The following TAS2R1 variants were observed in gnomAD, a reference collection of about 807,000 sequenced individuals.
TAS2R1 encodes the protein taste receptor type 2 member 1.
For synonymous variants in TAS2R1, 141 were observed against 134.2 expected, an observed-to-expected ratio of 1.05 and a Z score of -0.35; for missense variants, 370 against 353.4, an observed-to-expected ratio of 1.05 and a Z score of -0.38.
intron 1 of TAS2R1, among the ~76,000 whole-genome samples, chr5:9,681,790 T>C (rs747178140): frequency 5.9e-5 from 9 of 152,142 alleles, no homozygotes; most frequent in East Asian, 1.9e-4. Context: ...CCAACAGCAA[T>C]AGGCATTACC....
the TAS2R1 span, among the ~76,000 whole-genome samples, chr5:9,795,228 T>C: frequency 6.6e-6 from 1 of 152,230 alleles, no homozygotes; most frequent in Non-Finnish European, 1.5e-5. Flanking sequence ...TTTATGATTC[T>C]TTCTATCTAC....
chr5:9,656,565 A>G (rs189993777), intron 2 of TAS2R1, among the ~76,000 whole-genome samples: 2 of 152,274 alleles, frequency 1.3e-5, no homozygotes, highest in Non-Finnish European at 1.5e-5. Flanking sequence ...AGCCTTTGAT[A>G]CTATTAAGGG....
the TAS2R1 span, among the ~76,000 whole-genome samples, chr5:9,765,227 A>C: frequency 6.6e-6 from 1 of 152,148 alleles, no homozygotes; most frequent in African/African-American, 2.4e-5. Context: ...TTGTTATTTA[A>C]ATTAAAAAAA....
chr5:9,695,697 C>G (rs1286863733), intron 1 of TAS2R1, among the ~76,000 whole-genome samples: 1 of 152,074 alleles, frequency 6.6e-6, no homozygotes, highest in Non-Finnish European at 1.5e-5. Flanking sequence ...AAGACCACAA[C>G]CAAACACTGA....
the TAS2R1 span, among the ~76,000 whole-genome samples, chr5:9,840,390 T>C: frequency 1.3e-5 from 2 of 152,208 alleles, no homozygotes. Flanking sequence ...TTTTTATCCT[T>C]CCCATCTTTC....
chr5:9,721,827 C>T, the TAS2R1 span, among the ~76,000 whole-genome samples: 1 of 151,918 alleles, frequency 6.6e-6, no homozygotes, highest in South Asian at 2.1e-4. Context: ...ATGTATTTTC[C>T]AAAAATATCT....
the TAS2R1 span, among the ~76,000 whole-genome samples, chr5:9,823,652 GAGGAAGGGAGGGAAAGGA>G: frequency 2.1e-4 from 29 of 137,752 alleles, no homozygotes; most frequent in African/African-American, 5.9e-4. Flanking sequence ...GAGGGAAAGG[GAGGAAGGGAGGGAAAGGA>G]AGGAAGGGAA....
At chr5:9,861,375 T>C in the TAS2R1 span, among the ~76,000 whole-genome samples, 1 of 152,170 alleles carries the variant, frequency 6.6e-6, no homozygotes, top group Non-Finnish European at 1.5e-5. Context: ...GAACATAATA[T>C]CACTGACGGC....
the TAS2R1 span, among the ~76,000 whole-genome samples, chr5:9,871,306 T>C: frequency 2.0e-5 from 3 of 152,240 alleles, no homozygotes; most frequent in African/African-American, 7.2e-5. Context: ...AGTTTGACTA[T>C]GTCCTTTCCA....
the TAS2R1 span, among the ~76,000 whole-genome samples, chr5:9,859,142 A>G: frequency 6.6e-6 from 1 of 152,212 alleles, no homozygotes; most frequent in African/African-American, 2.4e-5. Context: ...ATCAGAAACA[A>G]TTAAATCCTC....
the TAS2R1 span, among the ~76,000 whole-genome samples, chr5:9,874,381 C>A: frequency 6.6e-6 from 1 of 152,168 alleles, no homozygotes; most frequent in African/African-American, 2.4e-5. Context: ...AAGATGTTAG[C>A]AATCAGGAAA....
chr5:9,890,883 A>G, the TAS2R1 span, among the ~76,000 whole-genome samples: 2 of 152,194 alleles, frequency 1.3e-5, no homozygotes, highest in Non-Finnish European at 2.9e-5. Context: ...ATCAAAGTGG[A>G]TTACTGGAGG....
the TAS2R1 span, among the ~76,000 whole-genome samples, chr5:9,731,454 GC>G: frequency 0.14 from 21,540 of 151,994 alleles, 1,634 homozygotes; most frequent in African/African-American, 0.18. Context: ...CCTGGAGTCT[GC>G]CCCCACCCAG....
the TAS2R1 span, among the ~76,000 whole-genome samples, chr5:9,763,616 A>T: frequency 1.3e-5 from 2 of 152,268 alleles, no homozygotes; most frequent in Non-Finnish European, 2.9e-5. Flanking sequence ...TATTGTCTAC[A>T]AATGAACCAG....
intron 2 of TAS2R1, among the ~76,000 whole-genome samples, chr5:9,643,417 A>G (rs1048232307): frequency 1.3e-5 from 2 of 152,212 alleles, no homozygotes; most frequent in African/African-American, 4.8e-5. Context: ...ATAGGGTACA[A>G]AAGTTGAAAA....
chr5:9,829,864 A>G, the TAS2R1 span, among the ~76,000 whole-genome samples: 5 of 152,190 alleles, frequency 3.3e-5, no homozygotes, highest in Non-Finnish European at 5.9e-5. Context: ...AGAAGAAAAA[A>G]AAGAGGCTGA....
chr5:9,781,886 A>C, the TAS2R1 span, among the ~76,000 whole-genome samples: 1 of 152,098 alleles, frequency 6.6e-6, no homozygotes, highest in African/African-American at 2.4e-5. Flanking sequence ...TTGTGTTTGG[A>C]GCCTTCTCAC....
At chr5:9,642,612 G>T (rs1194582208) in intron 2 of TAS2R1, among the ~76,000 whole-genome samples, 1 of 151,952 alleles carries the variant, frequency 6.6e-6, no homozygotes, top group Non-Finnish European at 1.5e-5. Flanking sequence ...TAATATTCAG[G>T]TCACTTTCAT....
intron 1 of TAS2R1, among the ~76,000 whole-genome samples, chr5:9,710,129 G>A (rs896758418): frequency 1.3e-4 from 20 of 152,288 alleles, no homozygotes; most frequent in Non-Finnish European, 2.5e-4. Flanking sequence ...GCCTTGGCCA[G>A]AGGATTGGCT....
Sources: gnomAD v4.1 joint callset for allele counts (sites outside exome capture counted in the v4.1 genomes callset) on GRCh38, gnomAD v4.1.1 for gene constraint, MANE v1.5 for transcripts, NCBI Gene and HGNC (gene_info 2026-07-23, HGNC 2026-07-21) for gene names.